Variants in NAV2 observed in about 807,000 individuals in gnomAD.
NAV2 encodes helicase, APC down-regulated 1.
NAV2 carries 54 observed loss-of-function variants against 223.2 expected under a neutral mutation model. That is an observed-to-expected ratio of 0.24 (90% CI 0.19 to 0.30). NAV2 has a LOEUF of 0.30. NAV2 is among the 10% of genes least tolerant of loss of function. NAV2 has a pLI of 1.00. For synonymous variants in NAV2, 1,279 were observed against 1,239.3 expected, an observed-to-expected ratio of 1.03 and a Z score of -0.67; for missense variants, 2,806 against 3,147.5, an observed-to-expected ratio of 0.89 and a Z score of 2.60.
intron 1 of NAV2, among the ~76,000 whole-genome samples, chr11:19,557,237 A>T (rs1170447370): frequency 6.6e-6 from 1 of 152,224 alleles, no homozygotes; most frequent in Non-Finnish European, 1.5e-5. Flanking sequence ...GAAGACATTG[A>T]TGCCAGCGGA....
intron 1 of NAV2, among the ~76,000 whole-genome samples, chr11:19,471,678 C>T (rs1435929900): frequency 1.3e-5 from 2 of 152,200 alleles, no homozygotes; most frequent in African/African-American, 4.8e-5. Context: ...ACATCGCCAT[C>T]CTCATCCTTA....
chr11:19,929,554 G>A (rs554687245), intron 6 of NAV2, among the ~76,000 whole-genome samples: 3 of 152,226 alleles, frequency 2.0e-5, no homozygotes, highest in South Asian at 2.1e-4. Flanking sequence ...TTTTATAGTC[G>A]TAATGAGTAG....
chr11:20,001,803 A>G (rs2153486781), intron 11 of NAV2, among the ~76,000 whole-genome samples: 1 of 152,114 alleles, frequency 6.6e-6, no homozygotes, highest in African/African-American at 2.4e-5. Context: ...ATGTATACAT[A>G]TATAACAAAC....
At chr11:20,079,460 C>G (rs1264827404) in intron 24 of NAV2, among the ~76,000 whole-genome samples, 1 of 152,122 alleles carries the variant, frequency 6.6e-6, no homozygotes, top group East Asian at 1.9e-4. Context: ...TAGTTCTGTC[C>G]TCATGAGAAA....
intron 1 of NAV2, among the ~76,000 whole-genome samples, chr11:19,563,509 C>T (rs1393261021): frequency 3.3e-5 from 5 of 152,190 alleles, no homozygotes; most frequent in African/African-American, 1.2e-4. Flanking sequence ...TACTTGAGCC[C>T]TTGGATCGGG....
At position 19,857,250 on chromosome 11, in the gene NAV2, G is replaced by C. The variant is rs576800877; in HGVS notation, c.439-11675G>C. The stretch of plus-strand genomic sequence containing the variant: ...TGCTACCTCTTGAAGATTCTATGGT[G>C]GCTTATGGGTTTAAGCATGTAATAT... On this transcript the variant is annotated intron_variant, in intron 3 of 37. Coordinates refer to ENST00000349880, the MANE Select transcript of NAV2 (RefSeq NM_145117.5). 5.3e-4 allele frequency among the ~76,000 whole-genome samples: 80 copies of C among 152,292 alleles called. No homozygotes were observed. The South Asian group carries it at 5.8e-3, about 11-fold the overall frequency.
intron 1 of NAV2, among the ~76,000 whole-genome samples, chr11:19,568,788 C>T (rs998799135): frequency 5.9e-5 from 9 of 152,166 alleles, no homozygotes; most frequent in East Asian, 1.9e-4. Context: ...TCCCCATTCA[C>T]GTTGGCCACA....
At chr11:20,102,734 A>G (rs1349649635) in intron 32 of NAV2, among the ~76,000 whole-genome samples, 1 of 152,080 alleles carries the variant, frequency 6.6e-6, no homozygotes, top group Non-Finnish European at 1.5e-5. Context: ...CCAGGCATGC[A>G]GGGCTGTGTT....
chr11:19,665,615 C>A lies in NAV2; in HGVS notation c.76-166869C>A, dbSNP rs559487867. ...TAAAAGCCCTAAGAGACTGTAGATG[C>A]TCAGCTGGGCATTACTATTATTATA... is the stretch of plus-strand genomic sequence containing the variant. On this transcript the variant is annotated intron_variant, in intron 1 of 37. Coordinates refer to the NAV2 transcript ENST00000360655. Among the ~76,000 whole-genome samples the A allele has an allele frequency of 7.9e-5, 12 of 152,256 alleles. No individual in the cohort carries two copies. In the South Asian group the frequency reaches 2.3e-3, roughly 29 times the overall value.
chr11:19,558,105 T>C (rs1247659878), intron 1 of NAV2, among the ~76,000 whole-genome samples: 1 of 152,236 alleles, frequency 6.6e-6, no homozygotes, highest in African/African-American at 2.4e-5. Flanking sequence ...TGTTATTTAT[T>C]AGATAACTTA....
intron 11 of NAV2, among the ~76,000 whole-genome samples, chr11:20,020,574 C>A (rs1366329379): frequency 6.6e-6 from 1 of 152,124 alleles, no homozygotes; most frequent in Non-Finnish European, 1.5e-5. Flanking sequence ...TAATTCAGAG[C>A]CTCTAACATG....
intron 1 of NAV2, among the ~76,000 whole-genome samples, chr11:19,483,481 G>A (rs201439205): frequency 6.6e-6 from 1 of 152,166 alleles, no homozygotes; most frequent in Non-Finnish European, 1.5e-5. Flanking sequence ...TGGAAATTTC[G>A]TTGTGCCAAA....
chr11:19,786,271 G>A (rs554781238), intron 1 of NAV2, among the ~76,000 whole-genome samples: 36 of 152,282 alleles, frequency 2.4e-4, no homozygotes, highest in Middle Eastern at 3.4e-3. Flanking sequence ...GTTACAGTCC[G>A]CTATTTCATG....
At chr11:19,550,084 C>T (rs1317173528) in intron 1 of NAV2, among the ~76,000 whole-genome samples, 2 of 152,148 alleles carry the variant, frequency 1.3e-5, no homozygotes, top group Non-Finnish European at 2.9e-5. Context: ...TTTAGATTGC[C>T]CTGGACTTTT....
chr11:20,049,001 C>T lies in NAV2; in HGVS notation c.4176C>T (p.Ser1392=), dbSNP rs367856738. 128 of 1,614,164 alleles carry T rather than the reference C, an allele frequency of 7.9e-5. No individual in the cohort carries two copies. The highest frequency in any genetic ancestry group is 1.6e-4 in the Middle Eastern group (1 of 6,062). Residue 1392 remains serine, a synonymous_variant, in exon 15 of 38, where the codon TCC becomes TCT. Coordinates refer to ENST00000349880, the MANE Select transcript of NAV2 (RefSeq NM_145117.5). ...LTWGTNASSS[S]AVSKDGLGFQ... ...GGGGCACCAACGCCAGCAGCTCCTC[C>T]GCAGTTAGCAAGGATGGCCTGGGCT...
At chr11:19,928,180 A>C (rs957658262) in intron 6 of NAV2, among the ~76,000 whole-genome samples, 3 of 150,546 alleles carry the variant, frequency 2.0e-5, no homozygotes, top group Non-Finnish European at 4.4e-5. Context: ...TTTCTGCGTG[A>C]TTTTTGCCAA....
In NAV2 at chr11:19,612,268, C is replaced by G. The variant is rs58599417; in HGVS notation, c.76-220216C>G. ...GGCCTCTGGGCCTGTGATGGGAGGG[C>G]CTGCAGTGAAAGTCTCTGACATGGC... On this transcript the variant is annotated intron_variant, in intron 1 of 37. Transcript: ENST00000360655. Among the ~76,000 whole-genome samples, 912 of 152,252 alleles carry G rather than the reference C, an allele frequency of 6.0e-3. 4 individuals carry two copies. Among genetic ancestry groups the G allele is most frequent in the African/African-American group, 0.02 (823 of 41,560 alleles).
chr11:20,087,999 A>G (rs1232510320), intron 26 of NAV2, among the ~76,000 whole-genome samples: 1 of 152,176 alleles, frequency 6.6e-6, no homozygotes, highest in Non-Finnish European at 1.5e-5. Flanking sequence ...GAAATGATGC[A>G]GAGAATAACC....
intron 3 of NAV2, among the ~76,000 whole-genome samples, chr11:19,859,137 C>CTTTT (rs569446282): frequency 1.3e-3 from 144 of 106,968 alleles, no homozygotes; most frequent in East Asian, 2.9e-3. Context: ...ATCATATTCT[C>CTTTT]TTTTTTTTTT....
Sources: allele counts gnomAD v4.1 joint callset (sites outside exome capture counted in the v4.1 genomes callset), GRCh38; gene constraint gnomAD v4.1.1; transcripts MANE v1.5; gene names NCBI Gene and HGNC (gene_info 2026-07-23, HGNC 2026-07-21).